Variants in PRKCA observed in about 807,000 individuals in gnomAD.
The protein encoded by PRKCA is protein kinase C alpha type.
In PRKCA, 27 loss-of-function variants were observed where a neutral mutation model predicts 87.0. That is an observed-to-expected ratio of 0.31 (90% confidence interval 0.23 to 0.43). The LOEUF (loss-of-function observed/expected upper bound fraction) is 0.43. Among genes scored for constraint, PRKCA ranks in the 20% least tolerant of loss-of-function variants. The pLI, the probability that PRKCA is intolerant of heterozygous loss-of-function variation, is 1.00. For synonymous variants in PRKCA, 329 were observed against 311.1 expected, an observed-to-expected ratio of 1.06 and a Z score of -0.61; for missense variants, 518 against 852.3, an observed-to-expected ratio of 0.61 and a Z score of 4.88.
rs528016056 is a variant in PRKCA, at chr17:66,587,847, A to G, written c.289-53508A>G. The stretch of plus-strand genomic sequence containing the variant: ...CATATATACGTATATGTGTGTATCT[A>G]CATATACATATATACATATGTATGT... On this transcript the variant is annotated intron_variant, in intron 3 of 16. Coordinates refer to ENST00000413366, the MANE Select transcript of PRKCA (RefSeq NM_002737.3). 2.4e-4 allele frequency among the ~76,000 whole-genome samples: 30 copies of G among 126,032 alleles called. 2 individuals carry two copies. Among genetic ancestry groups the G allele is most frequent in the African/African-American group, 8.4e-4 (30 of 35,722 alleles). The allele number at this position is 126,032 out of a possible 152,430, so 82.7% of individuals were successfully genotyped here. A position where few individuals can be genotyped will look rare whatever the true frequency, so the allele number is the denominator to read the frequency against.
chr17:66,337,555 AT>A (rs796605646), intron 2 of PRKCA, among the ~76,000 whole-genome samples: 132 of 142,940 alleles, frequency 9.2e-4, no homozygotes, highest in East Asian at 2.2e-3. Flanking sequence ...ATGGCCAGCT[AT>A]TTTTTTTTTT....
intron 3 of PRKCA, among the ~76,000 whole-genome samples, chr17:66,539,974 G>A (rs1353074743): frequency 6.6e-6 from 1 of 152,216 alleles, no homozygotes; most frequent in African/African-American, 2.4e-5. Flanking sequence ...CAACCCGAGG[G>A]ATTTGAAAAT....
intron 2 of PRKCA, among the ~76,000 whole-genome samples, chr17:66,491,552 C>T (rs228870): frequency 0.36 from 54,003 of 152,010 alleles, 10,478 homozygotes; most frequent in Middle Eastern, 0.49. Context: ...CACCTTATTA[C>T]CTCTTTACTC....
At chr17:66,774,750 G>A (rs1433052614) in intron 14 of PRKCA, 1 of 985,640 alleles carries the variant, frequency 1.0e-6, no homozygotes, top group South Asian at 4.7e-5. Flanking sequence ...GCCAATGTGT[G>A]TAATTAGTAT....
At chr17:66,367,932 C>A (rs1233775577) in intron 2 of PRKCA, among the ~76,000 whole-genome samples, 2 of 152,166 alleles carry the variant, frequency 1.3e-5, no homozygotes, top group Non-Finnish European at 2.9e-5. Flanking sequence ...GTATCAGTTA[C>A]AATGAATTCC....
intron 2 of PRKCA, among the ~76,000 whole-genome samples, chr17:66,316,864 C>T (rs554331823): frequency 4.0e-4 from 61 of 152,060 alleles, no homozygotes; most frequent in African/African-American, 1.4e-3. Context: ...AATCAGCAGC[C>T]GGGCGTGGTG....
intron 3 of PRKCA, among the ~76,000 whole-genome samples, chr17:66,631,916 A>T (rs1297500685): frequency 1.3e-5 from 2 of 152,256 alleles, no homozygotes; most frequent in Non-Finnish European, 2.9e-5. Flanking sequence ...TGAGATGTTA[A>T]TGAATAAGAT....
chr17:66,568,125 G>A (rs1275536861), intron 3 of PRKCA, among the ~76,000 whole-genome samples: 2 of 152,152 alleles, frequency 1.3e-5, no homozygotes, highest in African/African-American at 4.8e-5. Flanking sequence ...GACTGGCCTG[G>A]CCAACACGAT....
At position 66,632,311 on chromosome 17, in the gene PRKCA, TTAC is replaced by T. The variant is rs1199474326; in HGVS notation, c.289-9042_289-9040del. 3.2e-4 allele frequency among the ~76,000 whole-genome samples: 48 copies of T among 152,346 alleles called. No individual in the cohort carries two copies. In the South Asian group the frequency reaches 8.9e-3, roughly 28 times the overall value. ...TGTCCCCACACTTTCCCAGAGTCAT[TTAC>T]TTATTTATCAATCTAGAAAAAAACT... is the stretch of plus-strand genomic sequence containing the variant. On this transcript the variant is annotated intron_variant, in intron 3 of 16. Transcript: ENST00000413366.
chr17:66,303,299 C>T (rs1904619549), intron 1 of PRKCA, among the ~76,000 whole-genome samples: 1 of 152,156 alleles, frequency 6.6e-6, no homozygotes, highest in Admixed American at 6.5e-5. Context: ...GGCCGGGCCC[C>T]TCACCTCCCC....
chr17:66,645,710 G>A lies in PRKCA; in HGVS notation c.529+199G>A, dbSNP rs568848815. On this transcript the variant is annotated intron_variant, in intron 5 of 16. Coordinates refer to ENST00000413366, the MANE Select transcript of PRKCA (RefSeq NM_002737.3). ...AATACACCTCCCAGGAGATGGGTCTGTACACCCAAATTCCCAAATACTCAA... is the reference window on the plus strand; with the variant it reads ...AATACACCTCCCAGGAGATGGGTCTATACACCCAAATTCCCAAATACTCAA... 2.0e-4 allele frequency among the ~76,000 whole-genome samples: 30 copies of A among 152,298 alleles called. No homozygotes were observed. The South Asian group carries it at 3.7e-3, about 19-fold the overall frequency.
At chr17:66,664,962 C>G (rs996459800) in intron 5 of PRKCA, among the ~76,000 whole-genome samples, 2 of 151,992 alleles carry the variant, frequency 1.3e-5, no homozygotes, top group African/African-American at 2.4e-5. Context: ...ATATGCCAAC[C>G]CTGAAAGCAG....
chr17:66,768,928 G>T (rs1235946283), intron 13 of PRKCA, among the ~76,000 whole-genome samples: 1 of 152,158 alleles, frequency 6.6e-6, no homozygotes, highest in Non-Finnish European at 1.5e-5. Context: ...CTTTGCTTAA[G>T]GGTGTAGGTT....
chr17:66,363,304 T>C (rs1263229925), intron 2 of PRKCA, among the ~76,000 whole-genome samples: 1 of 152,240 alleles, frequency 6.6e-6, no homozygotes, highest in Non-Finnish European at 1.5e-5. Context: ...ATAAGTTCAT[T>C]TACACAGGGT....
intron 2 of PRKCA, among the ~76,000 whole-genome samples, chr17:66,397,305 T>C (rs1005127264): frequency 4.8e-5 from 7 of 146,790 alleles, no homozygotes; most frequent in African/African-American, 1.7e-4. Context: ...TTAGGGCTTT[T>C]GATATTTGTT....
intron 15 of PRKCA, among the ~76,000 whole-genome samples, chr17:66,788,009 A>G (rs1285985440): frequency 6.6e-6 from 1 of 152,006 alleles, no homozygotes. Context: ...ACTGCTGTGA[A>G]CCTTCTGGGG....
intron 3 of PRKCA, among the ~76,000 whole-genome samples, chr17:66,588,414 G>T (rs181209701): frequency 3.9e-5 from 6 of 152,030 alleles, no homozygotes; most frequent in Admixed American, 2.6e-4. Context: ...ATTATCTTCT[G>T]CTGGGATTTG....
chr17:66,452,954 GA>G (rs1215368910), intron 2 of PRKCA, among the ~76,000 whole-genome samples: 1 of 152,212 alleles, frequency 6.6e-6, no homozygotes, highest in Non-Finnish European at 1.5e-5. Context: ...GTGCCTGTTT[GA>G]ACCCCCATTG....
intron 13 of PRKCA, among the ~76,000 whole-genome samples, chr17:66,769,355 CA>C (rs534779519): frequency 3.4e-3 from 432 of 127,786 alleles, no homozygotes; most frequent in Middle Eastern, 8.3e-3. Flanking sequence ...GACACTGTCT[CA>C]AAAAAAAAAA....
Sources: gnomAD v4.1 joint callset for allele counts (sites outside exome capture counted in the v4.1 genomes callset) on GRCh38, gnomAD v4.1.1 for gene constraint, MANE v1.5 for transcripts, NCBI Gene and HGNC (gene_info 2026-07-23, HGNC 2026-07-21) for gene names.